The following LSAMP variants were observed in gnomAD, a reference collection of about 807,000 sequenced individuals.
LSAMP encodes limbic system-associated membrane protein.
LSAMP carries 7 observed loss-of-function variants against 38.6 expected under a neutral mutation model. That is an observed-to-expected ratio of 0.18 (90% confidence interval 0.10 to 0.34). LSAMP has a LOEUF of 0.34. Ranked by LOEUF, LSAMP falls within the 10% of genes least tolerant of loss-of-function variation. LSAMP has a pLI of 1.00. For synonymous variants in LSAMP, 154 were observed against 166.8 expected (o/e 0.92, Z 0.59); for missense variants, 313 against 420.0 (o/e 0.75, Z 2.23).
At chr3:115,863,641 T>C (rs1329403521) in intron 3 of LSAMP, among the ~76,000 whole-genome samples, 1 of 151,938 alleles carries the variant, frequency 6.6e-6, no homozygotes, top group Non-Finnish European at 1.5e-5. Context: ...TTCTGGGTTA[T>C]GGGATCAGGA....
chr3:116,328,018 T>C (rs1384682771), intron 1 of LSAMP, among the ~76,000 whole-genome samples: 1 of 152,144 alleles, frequency 6.6e-6, no homozygotes, highest in African/African-American at 2.4e-5. Context: ...CCCTTCTCTT[T>C]GCATTTTTCT....
chr3:115,934,988 T>G (rs777543023), intron 3 of LSAMP, among the ~76,000 whole-genome samples: 3 of 151,878 alleles, frequency 2.0e-5, no homozygotes, highest in Non-Finnish European at 4.4e-5. Flanking sequence ...AGTACTAAAT[T>G]ATTTATTGGG....
intron 1 of LSAMP, among the ~76,000 whole-genome samples, chr3:116,379,937 C>T (rs1218744877): frequency 3.3e-5 from 5 of 152,048 alleles, no homozygotes; most frequent in Non-Finnish European, 7.4e-5. Context: ...TCTGATTTGG[C>T]AAACTATCTA....
intron 1 of LSAMP, among the ~76,000 whole-genome samples, chr3:116,286,192 C>A (rs926980010): frequency 6.6e-6 from 1 of 152,192 alleles, no homozygotes. Flanking sequence ...ATATACTCTG[C>A]AGCTCTGGCA....
intron 2 of LSAMP, among the ~76,000 whole-genome samples, chr3:116,049,533 A>T (rs888676567): frequency 1.3e-5 from 2 of 152,218 alleles, no homozygotes; most frequent in Admixed American, 1.3e-4. Context: ...TGGCGATTAC[A>T]ATAGGGTGGT....
chr3:116,097,032 G>T (rs931749402), intron 1 of LSAMP, among the ~76,000 whole-genome samples: 1 of 152,104 alleles, frequency 6.6e-6, no homozygotes, highest in Non-Finnish European at 1.5e-5. Flanking sequence ...CTCTCATTTG[G>T]AAAGAGAAAA....
chr3:116,080,988 T>C (rs1462860566), intron 2 of LSAMP, among the ~76,000 whole-genome samples: 2 of 151,166 alleles, frequency 1.3e-5, no homozygotes, highest in Admixed American at 6.6e-5. Flanking sequence ...AGGATGGGAG[T>C]GAAGGAAGAA....
Position 116,232,541 on chromosome 3 carries a change from C to T in LSAMP, c.156-145985G>A, listed in dbSNP as rs145391116. 5.2e-3 allele frequency among the ~76,000 whole-genome samples: 786 copies of T among 152,212 alleles called. 10 individuals are homozygous for T. The highest frequency in any genetic ancestry group is 0.018 in the African/African-American group (767 of 41,520). On this transcript the variant is annotated intron_variant, in intron 1 of 6. Transcript: ENST00000490035. The stretch of plus-strand genomic sequence containing the variant: ...CTGCTGACTGTTCAGCCCTGTAGAA[C>T]CTACCTGGTTGCTTTATAAAGGTTT...
At chr3:116,394,464 C>A (rs576764754) in intron 1 of LSAMP, among the ~76,000 whole-genome samples, 76 of 152,278 alleles carry the variant, frequency 5.0e-4, no homozygotes, top group African/African-American at 1.3e-3. Flanking sequence ...CAGAGGAAAG[C>A]TTTTTTGACA....
intron 3 of LSAMP, among the ~76,000 whole-genome samples, chr3:116,011,362 G>A (rs980682410): frequency 3.0e-4 from 46 of 152,256 alleles, no homozygotes; most frequent in African/African-American, 1.1e-3. Context: ...ATGATGGTAC[G>A]AATGAGATAA....
intron 1 of LSAMP, among the ~76,000 whole-genome samples, chr3:116,100,716 G>C (rs751271027): frequency 6.6e-6 from 1 of 151,886 alleles, no homozygotes; most frequent in Non-Finnish European, 1.5e-5. Context: ...AAATGTTCGT[G>C]GTCTTTTTAC....
chr3:116,398,494 T>C (rs1408182960), intron 1 of LSAMP, among the ~76,000 whole-genome samples: 1 of 152,174 alleles, frequency 6.6e-6, no homozygotes, highest in Non-Finnish European at 1.5e-5. Flanking sequence ...CAAAGCTCTA[T>C]GAAGGATAGA....
chr3:116,169,960 A>G (rs555481332), intron 1 of LSAMP, among the ~76,000 whole-genome samples: 20 of 152,320 alleles, frequency 1.3e-4, no homozygotes, highest in African/African-American at 4.6e-4. Flanking sequence ...GATGGGCACT[A>G]ACAATTTCCA....
intron 1 of LSAMP, among the ~76,000 whole-genome samples, chr3:116,320,126 CTAA>C (rs1287723419): frequency 6.6e-6 from 1 of 152,162 alleles, no homozygotes; most frequent in Non-Finnish European, 1.5e-5. Context: ...AATAATAACA[CTAA>C]TGAGGCAGGA....
At chr3:116,148,295 C>T (rs1709533286) in intron 1 of LSAMP, among the ~76,000 whole-genome samples, 1 of 151,912 alleles carries the variant, frequency 6.6e-6, no homozygotes. Context: ...AAGAAATAAT[C>T]ATTTTGCAAA....
chr3:116,247,358 AC>A (rs1310171567), intron 1 of LSAMP, among the ~76,000 whole-genome samples: 1 of 152,168 alleles, frequency 6.6e-6, no homozygotes, highest in Admixed American at 6.5e-5. Flanking sequence ...TTCAATATGT[AC>A]CTGTCACACG....
intron 1 of LSAMP, among the ~76,000 whole-genome samples, chr3:116,144,665 A>T (rs1709451291): frequency 6.6e-6 from 1 of 151,504 alleles, no homozygotes; most frequent in Non-Finnish European, 1.5e-5. Context: ...AACCTGGTCA[A>T]ATGTATTTGG....
chr3:116,071,789 C>G (rs1707611707), intron 2 of LSAMP, among the ~76,000 whole-genome samples: 2 of 151,988 alleles, frequency 1.3e-5, no homozygotes, highest in Admixed American at 1.3e-4. Context: ...GTGTTGTTCC[C>G]CCTCAAGTGT....
At chr3:115,814,562 G>A (rs984272432) in intron 6 of LSAMP, among the ~76,000 whole-genome samples, 8 of 152,118 alleles carry the variant, frequency 5.3e-5, no homozygotes, top group Non-Finnish European at 7.4e-5. Flanking sequence ...TCTGGTCAAC[G>A]GTTTTCTGTT....
Sources: gnomAD v4.1 joint callset for allele counts (sites outside exome capture counted in the v4.1 genomes callset) on GRCh38, gnomAD v4.1.1 for gene constraint, MANE v1.5 for transcripts, NCBI Gene and HGNC (gene_info 2026-07-23, HGNC 2026-07-21) for gene names.